Variants in RIMS1 observed in about 807,000 individuals in gnomAD.
RIMS1 encodes regulating synaptic membrane exocytosis 1.
A neutral mutation model predicts 214.1 loss-of-function variants in RIMS1; 83 were observed. The observed-to-expected ratio is 0.39, with a 90% CI of 0.32 to 0.47. The LOEUF (loss-of-function observed/expected upper bound fraction) is 0.47. Ranked by LOEUF, RIMS1 falls within the 20% of genes least tolerant of loss-of-function variation. The pLI is 0.99. For synonymous variants in RIMS1, 793 were observed against 786.8 expected (o/e 1.01, Z -0.13); for missense variants, 2,050 against 2,161.8 (o/e 0.95, Z 1.03).
chr6:72,096,166 C>A (rs1255401182), intron 2 of RIMS1, among the ~76,000 whole-genome samples: 1 of 152,168 alleles, frequency 6.6e-6, no homozygotes, highest in African/African-American at 2.4e-5. Context: ...AGTAGTTAAT[C>A]AGGAGTGGTT....
At chr6:72,225,441 A>G (rs544803882) in intron 6 of RIMS1, among the ~76,000 whole-genome samples, 1 of 152,286 alleles carries the variant, frequency 6.6e-6, no homozygotes, top group South Asian at 2.1e-4. Flanking sequence ...GACATTCAGA[A>G]TATTATTTCA....
At chr6:72,231,398 A>G (rs1205423778) in intron 6 of RIMS1, among the ~76,000 whole-genome samples, 1 of 151,746 alleles carries the variant, frequency 6.6e-6, no homozygotes, top group Non-Finnish European at 1.5e-5. Context: ...ATAATTGTAT[A>G]CTAAAATATA....
rs757254910 is a variant in RIMS1, at chr6:72,182,951, A to T, written c.1480A>T (p.Thr494Ser). Residue 494 changes from threonine (T) to serine (S), a missense_variant, in exon 6 of 34, where the codon ACC (threonine) becomes TCC (serine). By Grantham distance (58) the Thr-to-Ser change is moderately conservative. Transcript: ENST00000521978. ...MRKAKREKVE[T>S]MLRNDSLSSD... ...GAAGGCCAAGCGCGAGAAGGTGGAG[A>T]CCATGCTGCGGAACGACTCTTTGAG... The T allele has an allele frequency of 1.3e-6, 2 of 1,591,554 alleles. No homozygotes were observed. Among genetic ancestry groups the T allele is most frequent in the African/African-American group, 2.7e-5 (2 of 74,510 alleles).
At chr6:72,041,189 G>T (rs1006404479) in intron 2 of RIMS1, among the ~76,000 whole-genome samples, 1 of 151,816 alleles carries the variant, frequency 6.6e-6, no homozygotes, top group Non-Finnish European at 1.5e-5. Context: ...AGTTCTTTCT[G>T]TCTATCTGTC....
At chr6:71,992,824 T>C (rs1255213861) in intron 2 of RIMS1, among the ~76,000 whole-genome samples, 1 of 152,042 alleles carries the variant, frequency 6.6e-6, no homozygotes, top group Non-Finnish European at 1.5e-5. Flanking sequence ...CACACCTGGC[T>C]AAGTTTTTGT....
intron 2 of RIMS1, among the ~76,000 whole-genome samples, chr6:72,003,428 T>TGAATG (rs1806055612): frequency 6.6e-6 from 1 of 151,996 alleles, no homozygotes; most frequent in Admixed American, 6.6e-5. Flanking sequence ...AGTGGATGAA[T>TGAATG]ACATGAATGA....
At chr6:72,035,547 C>G (rs1033624849) in intron 2 of RIMS1, among the ~76,000 whole-genome samples, 1 of 152,092 alleles carries the variant, frequency 6.6e-6, no homozygotes, top group Non-Finnish European at 1.5e-5. Flanking sequence ...GATTCAGCCC[C>G]CATTTCTTCT....
chr6:72,235,696 C>G lies in RIMS1; in HGVS notation c.1825C>G (p.Pro609Ala). The G allele has an allele frequency of 6.2e-7, 1 of 1,607,896 alleles. No individual in the cohort carries two copies. Among genetic ancestry groups the G allele is most frequent in the East Asian group, 2.2e-5 (1 of 44,698 alleles). Residue 609 changes from proline to alanine, a missense_variant, in exon 8 of 34, where the codon CCC (proline) becomes GCC (alanine). By Grantham distance (27) the Pro-to-Ala change is conservative. Transcript: ENST00000521978. ...RVILNKRTTMPKDSGALLGLK... is the reference protein window; with the variant it reads ...RVILNKRTTMAKDSGALLGLK... ...TATTCTTAACAAGAGAACAACCATGCCCAAAGACTCAGGTGCATTGCTGGG... is the reference window on the plus strand; with the variant it reads ...TATTCTTAACAAGAGAACAACCATGGCCAAAGACTCAGGTGCATTGCTGGG...
At chr6:72,007,513 A>G (rs1307802614) in intron 2 of RIMS1, among the ~76,000 whole-genome samples, 1 of 152,182 alleles carries the variant, frequency 6.6e-6, no homozygotes, top group Non-Finnish European at 1.5e-5. Flanking sequence ...GCTTCAGACA[A>G]TCAAACTTCT....
intron 29 of RIMS1, among the ~76,000 whole-genome samples, chr6:72,337,448 G>C (rs1308801820): frequency 6.6e-6 from 1 of 151,688 alleles, no homozygotes; most frequent in Non-Finnish European, 1.5e-5. Context: ...GTGGATAAAA[G>C]TAATATGTCT....
intron 23 of RIMS1, among the ~76,000 whole-genome samples, chr6:72,281,271 A>G (rs183164930): frequency 2.6e-5 from 4 of 152,278 alleles, no homozygotes; most frequent in Non-Finnish European, 5.9e-5. Flanking sequence ...AAAGAAGATT[A>G]TATGAGATAA....
At chr6:72,211,683 A>G (rs2053832227) in intron 6 of RIMS1, among the ~76,000 whole-genome samples, 1 of 152,158 alleles carries the variant, frequency 6.6e-6, no homozygotes, top group Admixed American at 6.5e-5. Context: ...TGAAAGTCAG[A>G]TTAATTTTGC....
At chr6:72,322,552 A>G (rs1480935907) in intron 28 of RIMS1, among the ~76,000 whole-genome samples, 2 of 152,128 alleles carry the variant, frequency 1.3e-5, no homozygotes, top group Non-Finnish European at 2.9e-5. Flanking sequence ...TTCTCCACAT[A>G]TAAAACTATA....
At chr6:72,049,233 G>T (rs1409297304) in intron 2 of RIMS1, among the ~76,000 whole-genome samples, 1 of 152,196 alleles carries the variant, frequency 6.6e-6, no homozygotes, top group South Asian at 2.1e-4. Flanking sequence ...GGAAAATACT[G>T]CCTTGCCCTG....
At position 72,058,071 on chromosome 6, in the gene RIMS1, G is replaced by A. The variant is rs145627563; in HGVS notation, c.246-38878G>A. 8.5e-5 allele frequency among the ~76,000 whole-genome samples: 13 copies of A among 152,308 alleles called. No homozygotes were observed. The East Asian group carries it at 2.5e-3, about 29-fold the overall frequency. On this transcript the variant is annotated intron_variant, in intron 2 of 33. Coordinates refer to ENST00000521978, the MANE Select transcript of RIMS1 (RefSeq NM_014989.7). ...TCATGAATTTATAAAGTACTTACTT[G>A]ATTCACCTGAAGGTGGATATAAAGT...
At chr6:72,211,603 G>A (rs2053822200) in intron 6 of RIMS1, among the ~76,000 whole-genome samples, 2 of 152,084 alleles carry the variant, frequency 1.3e-5, no homozygotes, top group Admixed American at 6.6e-5. Context: ...CGCTGGTGGT[G>A]TATGGAACTT....
chr6:72,260,623 CA>C, intron 18 of RIMS1, 81 bp from the exon 19 acceptor site: 1 of 1,558,618 alleles, frequency 6.4e-7, no homozygotes, highest in Non-Finnish European at 8.7e-7. Context: ...CTTCCCTTTT[CA>C]TGTTTTCATT....
At position 72,251,342 on chromosome 6, in the gene RIMS1, G is replaced by A; in HGVS notation, c.2672G>A (p.Gly891Glu). 1 of 1,597,660 alleles carries A rather than the reference G, an allele frequency of 6.3e-7. No homozygotes were observed. The highest frequency in any genetic ancestry group is 8.5e-7 in the Non-Finnish European group (1 of 1,171,904). The change falls in exon 15 of 34, where the codon GGA becomes GAA. Residue 891 changes from glycine to glutamate, a missense_variant. This residue lies in a region of RIMS1 where 889 missense variants were observed against 885.5 expected (regional missense o/e 1.00). Transcript: ENST00000521978. Reference sequence around the variant, plus strand: ...TTCATGCCAAGGCGACATATTCATGGAGAAAGCTCTAGCAAAAAGCTACAA... The same window carrying A: ...TTCATGCCAAGGCGACATATTCATGAAGAAAGCTCTAGCAAAAAGCTACAA... ...SPFMPRRHIH[G>E]ESSSKKLQRS... is the part of the protein sequence containing the mutation.
Position 71,961,728 on chromosome 6 carries a change from G to GGTTTT in RIMS1, c.165-7231_165-7227dup, listed in dbSNP as rs72219026. 1.2e-3 allele frequency among the ~76,000 whole-genome samples: 183 copies of GGTTTT among 151,138 alleles called. 1 individual carries two copies. The highest frequency in any genetic ancestry group is 3.6e-3 in the African/African-American group (150 of 41,296). On this transcript the variant is annotated intron_variant, in intron 1 of 33. Coordinates refer to ENST00000521978, the MANE Select transcript of RIMS1 (RefSeq NM_014989.7). ...GAAATTCCTTACTTCTCAGTGGATA[G>GGTTTT]GTTTTGTTTTGTTTTGTTTTGTTTT...
Sources: gnomAD v4.1 joint callset for allele counts (sites outside exome capture counted in the v4.1 genomes callset) on GRCh38, gnomAD v4.1.1 for gene constraint, gnomAD v4.1.1 regional missense constraint, MANE v1.5 for transcripts, NCBI Gene and HGNC (gene_info 2026-07-23, HGNC 2026-07-21) for gene names.